PTPRD: variants seen among roughly 807,000 people sequenced by gnomAD.
PTPRD encodes the protein receptor-type tyrosine-protein phosphatase delta.
A neutral mutation model predicts 214.5 loss-of-function variants in PTPRD; 34 were observed. The observed-to-expected ratio is 0.16, with a 90% CI of 0.12 to 0.21. The LOEUF (loss-of-function observed/expected upper bound fraction) is 0.21. Among genes scored for constraint, PTPRD ranks in the 10% least tolerant of loss-of-function variants. The pLI, the probability that PTPRD is intolerant of heterozygous loss-of-function variation, is 1.00. For synonymous variants in PTPRD, 1,128 were observed against 845.7 expected (o/e 1.33, Z -5.79); for missense variants, 2,545 against 2,398.7 (o/e 1.06, Z -1.27).
intron 2 of PTPRD, among the ~76,000 whole-genome samples, chr9:10,397,355 A>G (rs750467375): frequency 2.2e-4 from 33 of 151,992 alleles, no homozygotes; most frequent in Non-Finnish European, 3.5e-4. Context: ...CCCAGCAAGT[A>G]ACTAGGTCAT....
At chr9:10,329,177 T>C (rs1416928355) in intron 3 of PTPRD, among the ~76,000 whole-genome samples, 1 of 151,782 alleles carries the variant, frequency 6.6e-6, no homozygotes, top group South Asian at 2.1e-4. Flanking sequence ...TTCCAAAATA[T>C]TCAATGATAA....
At chr9:9,812,732 C>T (rs1050911473) in intron 5 of PTPRD, among the ~76,000 whole-genome samples, 2 of 152,006 alleles carry the variant, frequency 1.3e-5, no homozygotes, top group East Asian at 1.9e-4. Flanking sequence ...ATCATCCAGA[C>T]AGAAAATCAA....
chr9:9,878,096 G>GT (rs1565951406), intron 5 of PTPRD, among the ~76,000 whole-genome samples: 1 of 151,972 alleles, frequency 6.6e-6, no homozygotes. Flanking sequence ...GCCAACTGTG[G>GT]TAGAGATTAA....
intron 6 of PTPRD, among the ~76,000 whole-genome samples, chr9:9,755,775 AAATTCATTTAGACTTACTT>A (rs1238321535): frequency 5.9e-5 from 9 of 152,088 alleles, no homozygotes; most frequent in Admixed American, 2.0e-4. Context: ...ATTTTGGTAA[AAATTCATTTAGACTTACTT>A]ACTCATTGTC....
At chr9:8,369,502 G>C (rs2080895267) in intron 39 of PTPRD, among the ~76,000 whole-genome samples, 2 of 151,222 alleles carry the variant, frequency 1.3e-5, no homozygotes, top group East Asian at 3.9e-4. Context: ...GGTGCTTCTA[G>C]GACCTTATTG....
At chr9:8,996,558 G>C (rs1006202495) in intron 11 of PTPRD, among the ~76,000 whole-genome samples, 8 of 151,918 alleles carry the variant, frequency 5.3e-5, no homozygotes, top group African/African-American at 1.9e-4. Context: ...TCTCAGACTG[G>C]GTAGTTTATA....
At chr9:10,418,244 A>G (rs569732229) in intron 2 of PTPRD, among the ~76,000 whole-genome samples, 1 of 152,012 alleles carries the variant, frequency 6.6e-6, no homozygotes, top group African/African-American at 2.4e-5. Flanking sequence ...ATCTAGCTCA[A>G]GACAAATATA....
At chr9:10,070,205 T>A (rs2154178681) in intron 3 of PTPRD, among the ~76,000 whole-genome samples, 1 of 152,198 alleles carries the variant, frequency 6.6e-6, no homozygotes, top group African/African-American at 2.4e-5. Context: ...ATAAACTGTC[T>A]GTTTTGTCCA....
At chr9:8,830,575 C>T (rs367940309) in intron 11 of PTPRD, among the ~76,000 whole-genome samples, 1 of 152,252 alleles carries the variant, frequency 6.6e-6, no homozygotes, top group African/African-American at 2.4e-5. Flanking sequence ...GGACCATGAT[C>T]ATCTCAAAAC....
chr9:8,636,472 G>T (rs766743724), intron 13 of PTPRD, among the ~76,000 whole-genome samples: 8 of 152,068 alleles, frequency 5.3e-5, no homozygotes, highest in African/African-American at 9.7e-5. Flanking sequence ...CTAATCCTAG[G>T]AATACTATTG....
chr9:9,316,486 A>G (rs1963197721), intron 9 of PTPRD, among the ~76,000 whole-genome samples: 1 of 152,158 alleles, frequency 6.6e-6, no homozygotes, highest in African/African-American at 2.4e-5. Context: ...CAAACAAGAC[A>G]TTGCTTGACC....
At chr9:10,393,093 G>A (rs1321667592) in intron 2 of PTPRD, among the ~76,000 whole-genome samples, 2 of 151,800 alleles carry the variant, frequency 1.3e-5, no homozygotes, top group Non-Finnish European at 2.9e-5. Flanking sequence ...CTATACAACA[G>A]TGTTTGTAGT....
At chr9:9,621,226 T>C (rs190320723) in intron 7 of PTPRD, among the ~76,000 whole-genome samples, 77 of 152,342 alleles carry the variant, frequency 5.1e-4, no homozygotes, top group African/African-American at 1.8e-3. Context: ...AAGGACAATA[T>C]GCCTATATAT....
At chr9:8,541,267 T>C (rs1407998489) in intron 14 of PTPRD, among the ~76,000 whole-genome samples, 1 of 152,196 alleles carries the variant, frequency 6.6e-6, no homozygotes, top group Admixed American at 6.5e-5. Context: ...TCTTGCTCTG[T>C]CACCCAGGCT....
intron 8 of PTPRD, among the ~76,000 whole-genome samples, chr9:9,511,045 C>T (rs1244484103): frequency 6.6e-6 from 1 of 151,696 alleles, no homozygotes; most frequent in Non-Finnish European, 1.5e-5. Flanking sequence ...AAACAAAGCT[C>T]TTGTACAATA....
intron 35 of PTPRD, among the ~76,000 whole-genome samples, chr9:8,433,351 G>C: frequency 6.6e-6 from 1 of 152,312 alleles, no homozygotes; most frequent in South Asian, 2.1e-4. Context: ...ACTAGTTTAT[G>C]TGTTTACTAC....
rs369579222 is a variant in PTPRD at position 9,288,475 on chromosome 9, C to T, written c.-202-105112G>A. ...ATCAGAGTATTTCCATAGTCATTAACCAGCACTTGGCCTTTAACGTGGTAT... is the reference window on the plus strand; with the variant it reads ...ATCAGAGTATTTCCATAGTCATTAATCAGCACTTGGCCTTTAACGTGGTAT... On this transcript the variant is annotated intron_variant, in intron 9 of 45. Coordinates refer to ENST00000381196, the MANE Select transcript of PTPRD (RefSeq NM_002839.4). Among the ~76,000 whole-genome samples the T allele has an allele frequency of 2.6e-5, 4 of 151,782 alleles. No homozygotes were observed. In the South Asian group the frequency reaches 6.2e-4, roughly 24 times the overall value.
chr9:9,075,082 C>T (rs545429487), intron 10 of PTPRD, among the ~76,000 whole-genome samples: 3 of 151,888 alleles, frequency 2.0e-5, no homozygotes, highest in African/African-American at 7.3e-5. Context: ...TGGTCAAATG[C>T]TTATTGTACT....
At chr9:10,190,310 A>G (rs567173986) in intron 3 of PTPRD, among the ~76,000 whole-genome samples, 8 of 141,362 alleles carry the variant, frequency 5.7e-5, no homozygotes, top group Admixed American at 2.2e-4. Context: ...GGTTGCAGTG[A>G]ATTGAGATCC....
Sources: gnomAD v4.1 joint callset for allele counts (sites outside exome capture counted in the v4.1 genomes callset) on GRCh38, gnomAD v4.1.1 for gene constraint, MANE v1.5 for transcripts, NCBI Gene and HGNC (gene_info 2026-07-23, HGNC 2026-07-21) for gene names.